LPAR4: variants seen among roughly 807,000 people sequenced by gnomAD.
The protein encoded by LPAR4 is G-protein coupled receptor 23.
LPAR4 carries 14 observed loss-of-function variants against 9.2 expected under a neutral mutation model. The observed-to-expected ratio is 1.51, with a 90% CI of 1.00 to 2.37. LPAR4 has a LOEUF of 2.37. Among genes scored for constraint, LPAR4 ranks in the 30% most tolerant of loss-of-function variants. LPAR4 has a pLI of 0.00. For synonymous variants in LPAR4, 131 were observed against 97.9 expected, an observed-to-expected ratio of 1.34 and a Z score of -1.99; for missense variants, 251 against 272.1, an observed-to-expected ratio of 0.92 and a Z score of 0.55.
rs149305368 is a variant in LPAR4 at position 78,755,921 on chromosome X, A to T, written c.1052A>T (p.Glu351Val). Reference sequence around the variant, plus strand: ...AAGCCTTCCCTTCCAGCTATTCAAGAGGAAGTGAGTGATCAAACAACAAAT... The same window carrying T: ...AAGCCTTCCCTTCCAGCTATTCAAGTGGAAGTGAGTGATCAAACAACAAAT... ...TTKPSLPAIQ[E>V]EVSDQTTNNG... Residue 351 changes from glutamate to valine, a missense_variant, in exon 5 of 5, where the codon GAG (glutamate) becomes GTG (valine). By Grantham distance (121) the Glu-to-Val change is moderately radical. Transcript: ENST00000614823. 9 of 1,205,318 alleles carry T rather than the reference A, an allele frequency of 7.5e-6. No individual in the cohort carries two copies. In the African/African-American group the frequency reaches 1.4e-4, roughly 19 times the overall value.
chrX:78,755,370 C>T lies in LPAR4; in HGVS notation c.501C>T (p.Leu167=). The change falls in exon 5 of 5, where the codon CTC becomes CTT. Residue 167 remains leucine (L), a synonymous_variant. Coordinates refer to ENST00000614823, the MANE Select transcript of LPAR4 (RefSeq NM_001278000.3). ...GTGCTGGTGTCTGGATCCTAGTCCT[C>T]AGTGGCGGTATTTCAGCCTCTTTGT... The part of the protein sequence containing the change: ...IVCAGVWILV[L]SGGISASLFS... The T allele has an allele frequency of 2.5e-6, 3 of 1,210,879 alleles. No individual in the cohort carries two copies. The highest frequency in any genetic ancestry group is 1.7e-5 in the African/African-American group (1 of 57,732).
chrX:78,756,902 A>G lies in LPAR4; in HGVS notation c.*920A>G, dbSNP rs1420245492. On this transcript the variant is annotated 3_prime_UTR_variant, in exon 5 of 5. Transcript: ENST00000614823. ...TCAGGAGCAAATTGAAAAAAAAAAT[A>G]AAGTAATACAAAAAAATCAAACTAT... 8.2e-6 allele frequency: 1 copy of G among 122,168 alleles called. No individual in the cohort carries two copies. The highest frequency in any genetic ancestry group is 9.7e-5 in the Admixed American group (1 of 10,359). 10.1% of individuals were successfully genotyped at this position (122,168 alleles called of 1,213,427 possible). A position where few individuals can be genotyped will look rare whatever the true frequency, so the allele number is the denominator to read the frequency against.
In LPAR4 at chrX:78,757,650, C is replaced by T. The variant is rs181641914; in HGVS notation, c.*1668C>T. Among the ~76,000 whole-genome samples the T allele has an allele frequency of 4.1e-3, 456 of 111,370 alleles. No homozygotes were observed. Among genetic ancestry groups the T allele is most frequent in the African/African-American group, 0.014 (420 of 30,749 alleles). ...GCTTGAAAGATGCTACATTTGTGCTCAAGTCAGGAGCAGTGGAAATAAACC... is the reference window on the plus strand; with the variant it reads ...GCTTGAAAGATGCTACATTTGTGCTTAAGTCAGGAGCAGTGGAAATAAACC... On this transcript the variant is annotated 3_prime_UTR_variant, in exon 5 of 5. Coordinates refer to ENST00000614823, the MANE Select transcript of LPAR4 (RefSeq NM_001278000.3).
chrX:78,754,906 GATTCAA>G lies in LPAR4; in HGVS notation c.44_49del (p.Asn15_Ser16del). On this transcript the variant is annotated inframe_deletion, in exon 5 of 5. Coordinates refer to ENST00000614823, the MANE Select transcript of LPAR4 (RefSeq NM_001278000.3). ...AAGATTCATTGACTTCCAATTCCAA[GATTCAA>G]ATTCAAGCCTCAGACCCAGGTTGGG... 4 of 1,200,011 alleles carry G rather than the reference GATTCAA, an allele frequency of 3.3e-6. No homozygotes were observed. Among genetic ancestry groups the G allele is most frequent in the Non-Finnish European group, 3.4e-6 (3 of 890,547 alleles).
At chrX:78,751,575 C>A (rs950102233) in intron 4 of LPAR4, among the ~76,000 whole-genome samples, 1 of 110,943 alleles carries the variant, frequency 9.0e-6, no homozygotes, top group Non-Finnish European at 1.9e-5. Flanking sequence ...ATGGGAGACT[C>A]TTTTTATTGC....
In LPAR4 at chrX:78,755,852, T is replaced by A. The variant is rs150539839; in HGVS notation, c.983T>A (p.Ile328Asn). The A allele has an allele frequency of 1.2e-5, 14 of 1,208,837 alleles. No homozygotes were observed. In the African/African-American group the frequency reaches 2.1e-4, roughly 18 times the overall value. ...AAGTCCTTCTACATCAATGCCCACATCAGAATGGAGTCCCTGTTTAAGACT... is the reference window on the plus strand; with the variant it reads ...AAGTCCTTCTACATCAATGCCCACAACAGAATGGAGTCCCTGTTTAAGACT... ...FQKSFYINAH[I>N]RMESLFKTET... Residue 328 changes from isoleucine (I) to asparagine (N), a missense_variant, in exon 5 of 5, where the codon ATC becomes AAC. Transcript: ENST00000614823.
rs1207127016 is a variant in LPAR4 at position 78,758,243 on chromosome X, A to G, written c.*2261A>G. Among the ~76,000 whole-genome samples, 4 of 112,057 alleles carry G rather than the reference A, an allele frequency of 3.6e-5. No homozygotes were observed. In the South Asian group the frequency reaches 1.1e-3, roughly 31 times the overall value. On this transcript the variant is annotated 3_prime_UTR_variant, in exon 5 of 5. Transcript: ENST00000614823. Reference sequence around the variant, plus strand: ...TTCAGTTAAATAAAATTAGGTTAAGATAAGTTCAGTTGTTAGATTATATGG... The same window carrying G: ...TTCAGTTAAATAAAATTAGGTTAAGGTAAGTTCAGTTGTTAGATTATATGG...
In LPAR4 at chrX:78,755,846, C is replaced by A. The variant is rs1305274749; in HGVS notation, c.977C>A (p.Ala326Asp). The A allele has an allele frequency of 8.3e-7, 1 of 1,208,462 alleles. No homozygotes were observed. The highest frequency in any genetic ancestry group is 1.8e-5 in the African/African-American group (1 of 57,084). The change falls in exon 5 of 5, where the codon GCC (alanine) becomes GAC (aspartate). Residue 326 changes from alanine (A) to aspartate (D), a missense_variant. Transcript: ENST00000614823. ...ESFQKSFYIN[A>D]HIRMESLFKT... Reference sequence around the variant, plus strand: ...TTTCAGAAGTCCTTCTACATCAATGCCCACATCAGAATGGAGTCCCTGTTT... The same window carrying A: ...TTTCAGAAGTCCTTCTACATCAATGACCACATCAGAATGGAGTCCCTGTTT...
intron 4 of LPAR4, among the ~76,000 whole-genome samples, chrX:78,753,474 G>C (rs1925159441): frequency 8.9e-6 from 1 of 111,868 alleles, no homozygotes; most frequent in African/African-American, 3.2e-5. Flanking sequence ...AAATTGTGTA[G>C]TTAAGGCTGA....
In LPAR4 at chrX:78,755,689, C is replaced by T; in HGVS notation, c.820C>T (p.Leu274=). ...PYNSVLFLYA[L]VRSQAITNCF... ...CAACTCTGTCCTCTTCTTGTATGCC[C>T]TGGTGCGCTCCCAAGCTATTACTAA... is the stretch of plus-strand genomic sequence containing the variant. The change falls in exon 5 of 5, where the codon CTG becomes TTG. Residue 274 remains leucine (L), a synonymous_variant. Coordinates refer to ENST00000614823, the MANE Select transcript of LPAR4 (RefSeq NM_001278000.3). The T allele has an allele frequency of 8.3e-7, 1 of 1,209,984 alleles. No individual in the cohort carries two copies. The highest frequency in any genetic ancestry group is 1.1e-6 in the Non-Finnish European group (1 of 894,280).
intron 4 of LPAR4, among the ~76,000 whole-genome samples, chrX:78,754,157 T>A (rs1925187860): frequency 9.0e-6 from 1 of 111,694 alleles, no homozygotes; most frequent in Admixed American, 9.5e-5. Flanking sequence ...CGTACTTACA[T>A]AAATGTAGTT....
Position 78,752,911 on chromosome X carries a change from T to C in LPAR4, c.-80+1600T>C, listed in dbSNP as rs1925132266. Among the ~76,000 whole-genome samples, 3 of 111,776 alleles carry C rather than the reference T, an allele frequency of 2.7e-5. No individual in the cohort carries two copies. In the South Asian group the frequency reaches 1.1e-3, roughly 42 times the overall value. On this transcript the variant is annotated intron_variant, in intron 4 of 4. Transcript: ENST00000614823. ...AGCCTTAAGGACCCCAAATATGGTATACCTGTATTTTACTATCATTAGAAA... is the reference window on the plus strand; with the variant it reads ...AGCCTTAAGGACCCCAAATATGGTACACCTGTATTTTACTATCATTAGAAA...
chrX:78,755,576 C>A lies in LPAR4; in HGVS notation c.707C>A (p.Thr236Asn). 8.3e-7 allele frequency: 1 copy of A among 1,210,574 alleles called. No homozygotes were observed. The highest frequency in any genetic ancestry group is 1.8e-5 in the South Asian group (1 of 56,947). ...CTGAGAACTCTTCGCAAGCCTGCTA[C>A]TCTGTCTCAAATTGGGACCAATAAG... Reference protein sequence around the residue: ...VVLRTLRKPATLSQIGTNKKK... With the variant: ...VVLRTLRKPANLSQIGTNKKK... The change falls in exon 5 of 5, where the codon ACT (threonine) becomes AAT (asparagine). Residue 236 changes from threonine (T) to asparagine (N), a missense_variant. Coordinates refer to ENST00000614823, the MANE Select transcript of LPAR4 (RefSeq NM_001278000.3).
rs1174845560 is a variant in LPAR4, at chrX:78,751,268, G to T, written c.-123G>T. On this transcript the variant is annotated 5_prime_UTR_variant, in exon 4 of 5. Transcript: ENST00000614823. ...TCCAGGAAACTCATTGGTTATTCCA[G>T]TCTTAGATAAAATTGGTGCCAGGAT... 3 of 111,316 alleles carry T rather than the reference G, an allele frequency of 2.7e-5. No homozygotes were observed. Among genetic ancestry groups the T allele is most frequent in the African/African-American group, 9.8e-5 (3 of 30,634 alleles). The allele number at this position is 111,316 out of a possible 1,213,427, so 9.2% of individuals were successfully genotyped here.
Position 78,757,945 on chromosome X carries a change from A to C in LPAR4, c.*1963A>C, listed in dbSNP as rs949086849. Among the ~76,000 whole-genome samples the C allele has an allele frequency of 2.4e-4, 27 of 111,837 alleles. No homozygotes were observed. The highest frequency in any genetic ancestry group is 3.8e-4 in the Non-Finnish European group (20 of 53,022). On this transcript the variant is annotated 3_prime_UTR_variant, in exon 5 of 5. Transcript: ENST00000614823. ...AGTAAAACTTCTAAAACAATAAGCAAATTTTTAAAACTCATTAACTTGTTT... is the reference window on the plus strand; with the variant it reads ...AGTAAAACTTCTAAAACAATAAGCACATTTTTAAAACTCATTAACTTGTTT...
Position 78,755,093 on chromosome X carries a change from C to T in LPAR4, c.224C>T (p.Ala75Val). 1 of 1,209,856 alleles carries T rather than the reference C, an allele frequency of 8.3e-7. No individual in the cohort carries two copies. The highest frequency in any genetic ancestry group is 1.1e-6 in the Non-Finnish European group (1 of 893,993). Residue 75 changes from alanine to valine, a missense_variant, in exon 5 of 5, where the codon GCT becomes GTT. Ala to Val is a moderately conservative substitution (Grantham distance 64). Coordinates refer to ENST00000614823, the MANE Select transcript of LPAR4 (RefSeq NM_001278000.3). ...CFRMKMRSET[A>V]IFITNLAVSD... is the part of the protein sequence containing the mutation. ...CGCATGAAAATGAGAAGTGAGACTG[C>T]TATTTTTATCACCAATCTAGCTGTC... is the stretch of plus-strand genomic sequence containing the variant.
chrX:78,749,384 CCTACCA>C (rs1466642052), intron 1 of LPAR4, among the ~76,000 whole-genome samples: 1 of 111,791 alleles, frequency 8.9e-6, no homozygotes, highest in Non-Finnish European at 1.9e-5. Flanking sequence ...TAAAAGGTTA[CCTACCA>C]CTGGGAATCC....
rs1480384589 is a variant in LPAR4 at position 78,757,850 on chromosome X, A to T, written c.*1868A>T. ...AAAACAAAACTTCCAGGAAAAATGTATCCTGCAAGTTGCTGAACTTGTGCC... is the reference window on the plus strand; with the variant it reads ...AAAACAAAACTTCCAGGAAAAATGTTTCCTGCAAGTTGCTGAACTTGTGCC... On this transcript the variant is annotated 3_prime_UTR_variant, in exon 5 of 5. Transcript: ENST00000614823. 8.9e-6 allele frequency among the ~76,000 whole-genome samples: 1 copy of T among 112,406 alleles called. No homozygotes were observed.
Position 78,747,766 on chromosome X carries a change from G to C in LPAR4, c.-563G>C, listed in dbSNP as rs1193770672. On this transcript the variant is annotated 5_prime_UTR_variant, in exon 1 of 5. Transcript: ENST00000614823. ...AAGGCATGCGGGCTACAGCATTCAA[G>C]AGAGGGAGTCGTTAACAAAGGGAAA... 9.2e-6 allele frequency: 1 copy of C among 108,887 alleles called. No individual in the cohort carries two copies. Among genetic ancestry groups the C allele is most frequent in the Non-Finnish European group, 1.9e-5 (1 of 52,500 alleles). The allele number at this position is 108,887 out of a possible 1,213,427, so 9.0% of individuals were successfully genotyped here.
Sources: allele counts gnomAD v4.1 joint callset (sites outside exome capture counted in the v4.1 genomes callset), GRCh38; gene constraint gnomAD v4.1.1; transcripts MANE v1.5; gene names NCBI Gene and HGNC (gene_info 2026-07-23, HGNC 2026-07-21).